AGBL1: variants seen among roughly 807,000 people sequenced by gnomAD.
AGBL1 encodes the protein cytosolic carboxypeptidase 4.
A neutral mutation model predicts 118.9 loss-of-function variants in AGBL1; 130 were observed. The ratio of observed to expected loss-of-function variants is 1.09; its 90% CI spans 0.95 to 1.26. The LOEUF (loss-of-function observed/expected upper bound fraction) is 1.26, where lower values mean the gene tolerates loss of function less well. Ranked by LOEUF, AGBL1 falls within the 50% of genes most tolerant of loss-of-function variation. The pLI, the probability that AGBL1 is intolerant of heterozygous loss-of-function variation, is 0.00. For synonymous variants in AGBL1, 555 were observed against 478.9 expected (o/e 1.16, Z -2.08); for missense variants, 1,584 against 1,298.1 (o/e 1.22, Z -3.38).
At chr15:86,302,778 CAAAA>C (rs11345100) in intron 17 of AGBL1, among the ~76,000 whole-genome samples, 22 of 95,924 alleles carry the variant, frequency 2.3e-4, no homozygotes, top group Non-Finnish European at 3.8e-4. Context: ...GACCCTGTCT[CAAAA>C]AAAAAAAAAA....
chr15:86,999,330 C>A (rs2081411562), intron 24 of AGBL1, among the ~76,000 whole-genome samples: 1 of 150,746 alleles, frequency 6.6e-6, no homozygotes, highest in Admixed American at 6.6e-5. Flanking sequence ...ACTAACTCGT[C>A]ATCTAGCATT....
At chr15:86,201,686 C>T (rs2077909511) in intron 5 of AGBL1, among the ~76,000 whole-genome samples, 3 of 152,288 alleles carry the variant, frequency 2.0e-5, no homozygotes, top group Admixed American at 1.3e-4. Flanking sequence ...GAGGGGAGCA[C>T]AATGGAGCAG....
intron 22 of AGBL1, among the ~76,000 whole-genome samples, chr15:86,833,077 A>C (rs982501392): frequency 6.6e-6 from 1 of 152,106 alleles, no homozygotes; most frequent in Non-Finnish European, 1.5e-5. Context: ...ATCTCGTGAG[A>C]CTTAATCACA....
In AGBL1 at chr15:86,295,163, C is replaced by G. The variant is rs1371607777; in HGVS notation, c.2221-92C>G. 5.5e-5 allele frequency: 78 copies of G among 1,428,748 alleles called. 1 individual carries two copies. The highest frequency in any genetic ancestry group is 4.4e-4 in the Middle Eastern group (2 of 4,518). The allele number at this position is 1,428,748 out of a possible 1,614,324, so 88.5% of individuals were successfully genotyped here. A position where few individuals can be genotyped will look rare whatever the true frequency, so the allele number is the denominator to read the frequency against. On this transcript the variant is annotated intron_variant, in intron 16 of 22. Coordinates refer to ENST00000614907, the MANE Select transcript of AGBL1 (RefSeq NM_001386094.1). ...AGGACAGATTAGATTAACAACAATA[C>G]TTCTAAACTATATGTAAGCCGTTGT...
chr15:87,016,438 T>C (rs374953828), intron 24 of AGBL1, among the ~76,000 whole-genome samples: 4 of 152,152 alleles, frequency 2.6e-5, no homozygotes, highest in African/African-American at 9.7e-5. Context: ...TGAGAAGAGG[T>C]GCAAAGATGT....
At chr15:86,561,133 T>G (rs1171180158) in intron 21 of AGBL1, among the ~76,000 whole-genome samples, 2 of 152,208 alleles carry the variant, frequency 1.3e-5, no homozygotes, top group Admixed American at 6.5e-5. Context: ...AGAAGCTCTT[T>G]AGTTTAATTA....
chr15:86,859,246 G>T (rs1369161928), intron 22 of AGBL1, among the ~76,000 whole-genome samples: 1 of 152,166 alleles, frequency 6.6e-6, no homozygotes, highest in Non-Finnish European at 1.5e-5. Context: ...TGCCAGAAAC[G>T]GCTCTAGCCT....
intron 18 of AGBL1, among the ~76,000 whole-genome samples, chr15:86,415,809 C>G (rs2081685446): frequency 6.6e-6 from 1 of 152,088 alleles, no homozygotes; most frequent in Admixed American, 6.6e-5. Context: ...CACTTTGGAT[C>G]TTTAATCTGT....
At chr15:86,620,859 G>A (rs542000867) in intron 21 of AGBL1, among the ~76,000 whole-genome samples, 64 of 151,112 alleles carry the variant, frequency 4.2e-4, no homozygotes, top group African/African-American at 1.4e-3. Context: ...CCGACTTGCC[G>A]CCTGCATGTC....
chr15:86,819,733 A>C (rs1596514605), intron 22 of AGBL1, among the ~76,000 whole-genome samples: 1 of 152,188 alleles, frequency 6.6e-6, no homozygotes, highest in African/African-American at 2.4e-5. Context: ...TAATTTATAG[A>C]TTCAATGCTA....
At chr15:86,467,359 G>T (rs1289297200) in intron 18 of AGBL1, among the ~76,000 whole-genome samples, 1 of 152,236 alleles carries the variant, frequency 6.6e-6, no homozygotes, top group Non-Finnish European at 1.5e-5. Context: ...ACTTCAGACT[G>T]CTGTGCTGGC....
At chr15:87,002,279 G>C (rs1339580824) in intron 24 of AGBL1, among the ~76,000 whole-genome samples, 1 of 152,040 alleles carries the variant, frequency 6.6e-6, no homozygotes. Flanking sequence ...TCAAAGATCA[G>C]ATAGTTGTAG....
At chr15:86,555,132 T>A (rs548470441) in intron 21 of AGBL1, among the ~76,000 whole-genome samples, 2 of 152,328 alleles carry the variant, frequency 1.3e-5, no homozygotes, top group African/African-American at 4.8e-5. Flanking sequence ...ACAGCTATAT[T>A]AACTGCATGA....
chr15:86,897,968 T>C (rs2080155054), intron 22 of AGBL1, among the ~76,000 whole-genome samples: 1 of 151,890 alleles, frequency 6.6e-6, no homozygotes. Flanking sequence ...ATGTGGGGTT[T>C]TGCCTTATTG....
intron 23 of AGBL1, chr15:86,946,048 G>A (rs1006744901): frequency 3.3e-5 from 5 of 152,130 alleles, no homozygotes; most frequent in Non-Finnish European, 4.4e-5. Context: ...TTAATTGCCC[G>A]AAGTCAAACA....
At chr15:86,921,913 A>G (rs1481805169) in intron 23 of AGBL1, among the ~76,000 whole-genome samples, 1 of 152,146 alleles carries the variant, frequency 6.6e-6, no homozygotes, top group Admixed American at 6.6e-5. Flanking sequence ...CAAGGTATAA[A>G]GTGAGGTCTT....
intron 17 of AGBL1, among the ~76,000 whole-genome samples, chr15:86,351,348 TC>T (rs553930548): frequency 2.6e-5 from 4 of 152,064 alleles, no homozygotes; most frequent in African/African-American, 9.7e-5. Flanking sequence ...CTCTTGAATG[TC>T]CCCCCTGTTA....
chr15:86,136,130 A>G (rs966130350), intron 1 of AGBL1, among the ~76,000 whole-genome samples: 1 of 152,148 alleles, frequency 6.6e-6, no homozygotes, highest in African/African-American at 2.4e-5. Context: ...GACCTCAGTT[A>G]ATACCATGGG....
intron 24 of AGBL1, among the ~76,000 whole-genome samples, chr15:87,001,840 A>G (rs1317297114): frequency 6.6e-6 from 1 of 151,768 alleles, no homozygotes; most frequent in African/African-American, 2.4e-5. Context: ...TTTTTCTTGT[A>G]AATTTGTTTG....
Sources: allele counts gnomAD v4.1 joint callset (sites outside exome capture counted in the v4.1 genomes callset), GRCh38; gene constraint gnomAD v4.1.1; transcripts MANE v1.5; gene names NCBI Gene and HGNC (gene_info 2026-07-23, HGNC 2026-07-21).